Variants in PCLO observed in about 807,000 individuals in gnomAD.
The protein encoded by PCLO is protein piccolo.
PCLO carries 82 observed loss-of-function variants against 427.5 expected under a neutral mutation model. The observed-to-expected ratio is 0.19, with a 90% CI of 0.16 to 0.23. The LOEUF (loss-of-function observed/expected upper bound fraction) is 0.23, where lower values mean the gene tolerates loss of function less well. Ranked by LOEUF, PCLO falls within the 10% of genes least tolerant of loss-of-function variation. The pLI is 1.00. For missense variants in PCLO, 6,239 were observed against 6,115.9 expected (o/e 1.02, Z -0.67); for synonymous variants, 2,357 against 2,155.4 (o/e 1.09, Z -2.59).
At chr7:83,093,837 A>G (rs1254424975) in intron 3 of PCLO, among the ~76,000 whole-genome samples, 2 of 122,438 alleles carry the variant, frequency 1.6e-5, no homozygotes, top group Non-Finnish European at 3.4e-5. Context: ...TAGGTTGTTT[A>G]CTGATTTGTT....
chr7:83,045,514 A>T (rs34233909), intron 3 of PCLO, among the ~76,000 whole-genome samples: 17,507 of 151,972 alleles, frequency 0.12, 1,112 homozygotes, highest in Non-Finnish European at 0.13. Flanking sequence ...ATATGCATGG[A>T]TCTTTCTTAT....
intron 22 of PCLO, among the ~76,000 whole-genome samples, chr7:82,789,604 C>T (rs1212407872): frequency 6.6e-6 from 1 of 152,126 alleles, no homozygotes; most frequent in African/African-American, 2.4e-5. Flanking sequence ...ACTCGGGAGG[C>T]TGAGGCAGGA....
chr7:82,879,797 C>A (rs1031789467), intron 9 of PCLO: 3 of 444,338 alleles, frequency 6.8e-6, no homozygotes, highest in Admixed American at 5.4e-5. Flanking sequence ...GCATACAATT[C>A]ACTTATGAGA....
intron 15 of PCLO, among the ~76,000 whole-genome samples, chr7:82,837,384 A>G (rs1792256916): frequency 6.6e-6 from 1 of 152,060 alleles, no homozygotes; most frequent in Non-Finnish European, 1.5e-5. Flanking sequence ...ATGAAAATGA[A>G]TAAAAAATAA....
chr7:82,781,207 T>A (rs1361758692), intron 22 of PCLO, among the ~76,000 whole-genome samples: 1 of 151,854 alleles, frequency 6.6e-6, no homozygotes, highest in South Asian at 2.1e-4. Context: ...AAAAAGATCA[T>A]GTTCCTGACA....
chr7:83,050,237 A>AAAAAAACAAAAAAAAAC (rs1789211106), intron 3 of PCLO, among the ~76,000 whole-genome samples: 1 of 79,698 alleles, frequency 1.3e-5, no homozygotes, highest in Non-Finnish European at 2.3e-5. Context: ...AAAAAAAAAA[A>AAAAAAACAAAAAAAAAC]CACAAGCAAA....
chr7:82,938,293 G>A (rs1306928342), intron 6 of PCLO, among the ~76,000 whole-genome samples: 2 of 151,936 alleles, frequency 1.3e-5, no homozygotes, highest in Admixed American at 1.3e-4. Flanking sequence ...TTAGAAGCAA[G>A]ACACTGTATT....
At chr7:82,978,428 T>C (rs1796071793) in intron 3 of PCLO, among the ~76,000 whole-genome samples, 1 of 152,150 alleles carries the variant, frequency 6.6e-6, no homozygotes, top group Non-Finnish European at 1.5e-5. Flanking sequence ...CAATGGCTAA[T>C]CAGTATTAAG....
intron 3 of PCLO, among the ~76,000 whole-genome samples, chr7:83,100,510 T>C (rs898512125): frequency 1.3e-5 from 2 of 152,164 alleles, no homozygotes; most frequent in African/African-American, 2.4e-5. Context: ...TGCTGGGATA[T>C]GGGTGGAGCT....
At position 82,859,442 on chromosome 7, in the gene PCLO, A is replaced by C. The variant is rs533738589; in HGVS notation, c.13655-12195T>G. 3.9e-5 allele frequency among the ~76,000 whole-genome samples: 6 copies of C among 152,340 alleles called. No homozygotes were observed. In the South Asian group the frequency reaches 1.2e-3, roughly 32 times the overall value. On this transcript the variant is annotated intron_variant, in intron 10 of 24. Coordinates refer to ENST00000333891, the MANE Select transcript of PCLO (RefSeq NM_033026.6). ...GTTATGTTTGGGAGAAAGTAAGAGA[A>C]GAGAACAAGAGTCTCTGTCTGGTAA...
chr7:83,081,481 ATATT>A (rs1790099048), intron 3 of PCLO, among the ~76,000 whole-genome samples: 5 of 151,942 alleles, frequency 3.3e-5, no homozygotes, highest in African/African-American at 1.2e-4. Context: ...TACCCAGACT[ATATT>A]TAAATACTTG....
intron 3 of PCLO, among the ~76,000 whole-genome samples, chr7:83,044,412 T>C (rs952614382): frequency 6.6e-6 from 1 of 152,216 alleles, no homozygotes. Flanking sequence ...TCTGAGCAGT[T>C]AAGTAGCTAG....
chr7:82,936,787 G>C (rs972439098), intron 6 of PCLO, among the ~76,000 whole-genome samples: 1 of 151,364 alleles, frequency 6.6e-6, no homozygotes, highest in Non-Finnish European at 1.5e-5. Context: ...AACAAACTGT[G>C]GCATATAGAA....
At chr7:82,990,476 G>A (rs1051407135) in intron 3 of PCLO, among the ~76,000 whole-genome samples, 6 of 151,950 alleles carry the variant, frequency 3.9e-5, no homozygotes, top group African/African-American at 1.5e-4. Flanking sequence ...ACCTATCTTA[G>A]GAGGATTCTA....
intron 20 of PCLO, among the ~76,000 whole-genome samples, chr7:82,815,735 T>C (rs966667099): frequency 6.6e-6 from 1 of 152,156 alleles, no homozygotes; most frequent in Non-Finnish European, 1.5e-5. Flanking sequence ...GTTTGAGTTG[T>C]GGTATTAGGT....
At position 82,949,808 on chromosome 7, in the gene PCLO, T is replaced by C. The variant is rs1479830877; in HGVS notation, c.10780A>G (p.Thr3594Ala). Residue 3594 changes from threonine to alanine, a missense_variant, in exon 6 of 25, where the codon ACA (threonine) becomes GCA (alanine). Thr to Ala is a moderately conservative substitution (Grantham distance 58, BLOSUM62 0). Around this residue, in one of 5 missense-constraint regions of PCLO, gnomAD observed 4,677 missense variants for 4,468.4 expected, o/e 1.05. Transcript: ENST00000333891. ...GATGAATAACCAATCTCTAAAGGTG[T>C]TGGGCGTTTCTTGTCTTTGGGTGGA... ...TSPPKDKKRPTPLEIGYSSHL... is the reference protein window; with the variant it reads ...TSPPKDKKRPAPLEIGYSSHL... 8 of 1,613,710 alleles carry C rather than the reference T, an allele frequency of 5.0e-6. No homozygotes were observed. The East Asian group carries it at 8.9e-5, about 18-fold the overall frequency.
chr7:83,159,233 G>T (rs1183603129), intron 1 of PCLO, among the ~76,000 whole-genome samples: 5 of 152,026 alleles, frequency 3.3e-5, no homozygotes, highest in African/African-American at 9.7e-5. Flanking sequence ...CAGGCCTTGA[G>T]ATATAAATGG....
chr7:83,000,035 T>C (rs1319041267), intron 3 of PCLO, among the ~76,000 whole-genome samples: 1 of 116,592 alleles, frequency 8.6e-6, no homozygotes, highest in African/African-American at 3.7e-5. Context: ...GCAGAATAAA[T>C]GCCAAAAAAC....
At chr7:83,124,061 T>TAC (rs1392292602) in intron 3 of PCLO, among the ~76,000 whole-genome samples, 1 of 147,314 alleles carries the variant, frequency 6.8e-6, no homozygotes, top group African/African-American at 2.5e-5. Flanking sequence ...GTAATCTCAG[T>TAC]ACTTCAGTAC....
Sources: gnomAD v4.1 joint callset for allele counts (sites outside exome capture counted in the v4.1 genomes callset) on GRCh38, gnomAD v4.1.1 for gene constraint, gnomAD v4.1.1 regional missense constraint, MANE v1.5 for transcripts, NCBI Gene and HGNC (gene_info 2026-07-23, HGNC 2026-07-21) for gene names.